SACS: variants seen among roughly 807,000 people sequenced by gnomAD.
The protein encoded by SACS is sacsin.
SACS carries 197 observed loss-of-function variants against 348.0 expected under a neutral mutation model. That is an observed-to-expected ratio of 0.57 (90% CI 0.50 to 0.64). The LOEUF (loss-of-function observed/expected upper bound fraction) is 0.64. Among genes scored for constraint, SACS ranks in the 30% least tolerant of loss-of-function variants. SACS has a pLI of 0.00. For synonymous variants in SACS, 1,985 were observed against 1,910.6 expected, an observed-to-expected ratio of 1.04 and a Z score of -1.02; for missense variants, 4,999 against 5,360.8, an observed-to-expected ratio of 0.93 and a Z score of 2.11.
intron 2 of SACS, among the ~76,000 whole-genome samples, chr13:23,389,145 A>G (rs2137891343): frequency 6.6e-6 from 1 of 152,094 alleles, no homozygotes; most frequent in South Asian, 2.1e-4. Context: ...ACCCTCTACC[A>G]TTTAGCTAAA....
chr13:23,350,809 T>C (rs753691977), intron 9 of SACS, among the ~76,000 whole-genome samples: 25 of 152,116 alleles, frequency 1.6e-4, no homozygotes, highest in Admixed American at 1.6e-3. Context: ...ATTCCCCCAA[T>C]AGGCCCCATA....
chr13:23,340,829 A>AC lies in SACS; in HGVS notation c.3046dup (p.Val1016GlyfsTer3). The AC allele has an allele frequency of 6.2e-7, 1 of 1,603,550 alleles. No individual in the cohort carries two copies. The highest frequency in any genetic ancestry group is 8.5e-7 in the Non-Finnish European group (1 of 1,174,188). On this transcript the variant is annotated frameshift_variant, in exon 10 of 10. Coordinates refer to ENST00000382292, the MANE Select transcript of SACS (RefSeq NM_014363.6). LOFTEE classifies it high-confidence loss of function. The stretch of plus-strand genomic sequence containing the variant: ...TTTAAGAGAAGATAGATTCTCAAGG[A>AC]CCCATAACATAAGCTGTGTTACCTC...
Position 23,354,707 on chromosome 13 carries a change from C to T in SACS, c.1905G>A (p.Leu635=), listed in dbSNP as rs771581634. The change falls in exon 8 of 10, where the codon CTG becomes CTA. Residue 635 remains leucine, a synonymous_variant. Coordinates refer to ENST00000382292, the MANE Select transcript of SACS (RefSeq NM_014363.6). ...KVTPAWVRQV[L]RKCAHLGCAE... The stretch of plus-strand genomic sequence containing the variant: ...CACAGCCCAGGTGTGCACACTTCCG[C>T]AGCACCTGCCGCACCCACGCGGGCG... 26 of 1,613,748 alleles carry T rather than the reference C, an allele frequency of 1.6e-5. No individual in the cohort carries two copies. The highest frequency in any genetic ancestry group is 2.0e-5 in the Non-Finnish European group (24 of 1,179,810).
rs755172172 is a variant in SACS at position 23,333,089 on chromosome 13, G to A, written c.10787C>T (p.Ser3596Phe). ...LRNIGLKYIL[S>F]QQQLLQFAKE... is the part of the protein sequence containing the mutation. ...AGCAAACTGTAACAACTGCTGCTGA[G>A]AAAGTATGTATTTTAGTCCAATATT... Residue 3596 changes from serine (S) to phenylalanine (F), a missense_variant, in exon 10 of 10, where the codon TCT becomes TTT. This residue lies in a region of SACS where 831 missense variants were observed against 941.8 expected (regional missense o/e 0.88). Transcript: ENST00000382292. 3.9e-5 allele frequency: 63 copies of A among 1,613,726 alleles called. No individual in the cohort carries two copies. The highest frequency in any genetic ancestry group is 4.8e-5 in the Non-Finnish European group (57 of 1,179,806).
chr13:23,378,181 G>C (rs1403466674), intron 2 of SACS, among the ~76,000 whole-genome samples: 4 of 152,138 alleles, frequency 2.6e-5, no homozygotes, highest in Admixed American at 2.0e-4. Flanking sequence ...TGAGTCTACT[G>C]GTCATTTTAA....
In SACS at chr13:23,355,129, A is replaced by T. The variant is rs748972179; in HGVS notation, c.1483T>A (p.Phe495Ile). Residue 495 changes from phenylalanine to isoleucine, a missense_variant, in exon 8 of 10, where the codon TTT becomes ATT. By Grantham distance (21) the Phe-to-Ile change is conservative. Transcript: ENST00000382292. ...TTGGGGACAACATTCATGACAAGAA[A>T]CTCATTCCATAAGGCTGCCGGGTCT... is the stretch of plus-strand genomic sequence containing the variant. ...WRDPAALWNE[F>I]LVMNVVPKAY... 2.0e-5 allele frequency: 32 copies of T among 1,613,878 alleles called. No homozygotes were observed. Among genetic ancestry groups the T allele is most frequent in the Non-Finnish European group, 2.7e-5 (32 of 1,180,018 alleles).
chr13:23,363,514 C>T (rs1870872131), intron 6 of SACS, among the ~76,000 whole-genome samples: 1 of 152,242 alleles, frequency 6.6e-6, no homozygotes, highest in South Asian at 2.1e-4. Flanking sequence ...GTGTGAGCCA[C>T]CGCACCCAGC....
At chr13:23,361,203 G>A (rs1870715015) in intron 6 of SACS, among the ~76,000 whole-genome samples, 1 of 152,098 alleles carries the variant, frequency 6.6e-6, no homozygotes, top group Non-Finnish European at 1.5e-5. Flanking sequence ...CTGCTCAGTG[G>A]CAGAACCAGG....
At chr13:23,419,730 G>A (rs540927668) in intron 1 of SACS, among the ~76,000 whole-genome samples, 35 of 152,250 alleles carry the variant, frequency 2.3e-4, no homozygotes, top group African/African-American at 7.7e-4. Flanking sequence ...GAGTTTCATC[G>A]TTTCTGTGTG....
Position 23,329,455 on chromosome 13 carries a change from T to G in SACS, c.*681A>C. 2.6e-6 allele frequency: 2 copies of G among 769,360 alleles called. No homozygotes were observed. Among genetic ancestry groups the G allele is most frequent in the East Asian group, 4.9e-5 (2 of 40,992 alleles). 47.7% of individuals were successfully genotyped at this position (769,360 alleles called of 1,614,324 possible). On this transcript the variant is annotated 3_prime_UTR_variant, in exon 10 of 10. Coordinates refer to ENST00000382292, the MANE Select transcript of SACS (RefSeq NM_014363.6). ...ATAAGAACTGCCACCATTTTGAGTTTTCCGTTGCTATCTTCATCAAACAGG... is the reference window on the plus strand; with the variant it reads ...ATAAGAACTGCCACCATTTTGAGTTGTCCGTTGCTATCTTCATCAAACAGG...
In SACS at chr13:23,417,024, A is replaced by G. The variant is rs1937198302; in HGVS notation, c.-501-5284T>C. ...AATAGATTTTTTCAAGATTACTGATATAAGTTAAATTGCATTTCTACATAC... is the reference window on the plus strand; with the variant it reads ...AATAGATTTTTTCAAGATTACTGATGTAAGTTAAATTGCATTTCTACATAC... On this transcript the variant is annotated intron_variant, in intron 1 of 9. Transcript: ENST00000382292. Among the ~76,000 whole-genome samples, 4 of 152,204 alleles carry G rather than the reference A, an allele frequency of 2.6e-5. No homozygotes were observed. The South Asian group carries it at 8.3e-4, about 31-fold the overall frequency.
At chr13:23,399,091 T>C (rs1236461291) in intron 2 of SACS, among the ~76,000 whole-genome samples, 1 of 150,572 alleles carries the variant, frequency 6.6e-6, no homozygotes, top group Non-Finnish European at 1.5e-5. Flanking sequence ...ATCGCCATCT[T>C]GGACAAGCCC....
In SACS at chr13:23,333,975, GAAC is replaced by G. The variant is rs762506287; in HGVS notation, c.9898_9900del (p.Val3300del). ...ATGTGCATAAGGCTGAGAGGAAGCA[GAAC>G]ATCTCCTTCAGGAACCACAAGCTGG... On this transcript the variant is annotated inframe_deletion, in exon 10 of 10. Transcript: ENST00000382292. 10 of 1,613,866 alleles carry G rather than the reference GAAC, an allele frequency of 6.2e-6. No individual in the cohort carries two copies. The South Asian group carries it at 1.1e-4, about 18-fold the overall frequency.
rs918130213 is a variant in SACS at position 23,332,474 on chromosome 13, T to C, written c.11402A>G (p.Asp3801Gly). Residue 3801 changes from aspartate to glycine, a missense_variant, in exon 10 of 10, where the codon GAT (aspartate) becomes GGT (glycine). This residue lies in a region of SACS where 831 missense variants were observed against 941.8 expected (regional missense o/e 0.88). Coordinates refer to ENST00000382292, the MANE Select transcript of SACS (RefSeq NM_014363.6). ...LRGVAFVMVE[D>G]GWKLLKPEEV... ...CTCAGGCTTCAGAAGTTTCCAACCATCTTCTACCATCACAAAAGCAACCCC... is the reference window on the plus strand; with the variant it reads ...CTCAGGCTTCAGAAGTTTCCAACCACCTTCTACCATCACAAAAGCAACCCC... The C allele has an allele frequency of 6.2e-7, 1 of 1,613,990 alleles. No individual in the cohort carries two copies. Among genetic ancestry groups the C allele is most frequent in the South Asian group, 1.1e-5 (1 of 91,074 alleles).
intron 2 of SACS, among the ~76,000 whole-genome samples, chr13:23,399,019 C>CAAAAAAAGAAAAAAAAAAAAAA (rs1872833869): frequency 1.5e-5 from 1 of 67,140 alleles, no homozygotes; most frequent in African/African-American, 5.5e-5. Context: ...GACTCCATCT[C>CAAAAAAAGAAAAAAAAAAAAAA]AAAAAAAAAA....
rs142707945 is a variant in SACS, at chr13:23,355,679, T to C, written c.933A>G (p.Lys311=). 1.9e-5 allele frequency: 31 copies of C among 1,614,034 alleles called. No homozygotes were observed. The highest frequency in any genetic ancestry group is 2.5e-5 in the Non-Finnish European group (29 of 1,180,040). The change falls in exon 8 of 10, where the codon AAA becomes AAG. Residue 311 remains lysine, a synonymous_variant. Coordinates refer to ENST00000382292, the MANE Select transcript of SACS (RefSeq NM_014363.6). ...CATATAAGGAAACATCCTGCACACT[T>C]TTCAGAAAGAGCAGCACTGTGTCTG... ...ADADTVLLFL[K]SVQDVSLYVR... is the part of the protein sequence containing the mutation.
At chr13:23,421,785 G>GTTT (rs1873956283) in intron 1 of SACS, among the ~76,000 whole-genome samples, 1 of 151,938 alleles carries the variant, frequency 6.6e-6, no homozygotes, top group Non-Finnish European at 1.5e-5. Context: ...GGAGCGTGGT[G>GTTT]TTCACCAGGG....
chr13:23,407,111 T>G (rs1873257994), intron 2 of SACS, among the ~76,000 whole-genome samples: 1 of 152,260 alleles, frequency 6.6e-6, no homozygotes, highest in Non-Finnish European at 1.5e-5. Context: ...ATCCTCATTC[T>G]GCCACCCGAA....
intron 9 of SACS, 90 bp from the exon 10 acceptor site, chr13:23,341,780 C>CTTTTTTTTTTTTTT (rs4068499): frequency 4.4e-6 from 1 of 227,956 alleles, no homozygotes; most frequent in African/African-American, 4.5e-5. Flanking sequence ...CTGGAAGGTT[C>CTTTTTTTTTTTTTT]TTTTTTTTTT....
Sources: allele counts gnomAD v4.1 joint callset (sites outside exome capture counted in the v4.1 genomes callset), GRCh38; gene constraint gnomAD v4.1.1; regional missense constraint gnomAD v4.1.1; transcripts MANE v1.5; gene names NCBI Gene and HGNC (gene_info 2026-07-23, HGNC 2026-07-21).